TGFA: variants seen among roughly 807,000 people sequenced by gnomAD.
TGFA encodes the protein protransforming growth factor alpha.
In TGFA, 12 loss-of-function variants were observed where a neutral mutation model predicts 21.7. The ratio of observed to expected loss-of-function variants is 0.55; its 90% CI spans 0.35 to 0.90. TGFA has a LOEUF of 0.90. Among genes scored for constraint, TGFA ranks in the 40% least tolerant of loss-of-function variants. TGFA has a pLI of 0.01. For synonymous variants in TGFA, 79 were observed against 88.1 expected (o/e 0.90, Z 0.58); for missense variants, 178 against 210.8 (o/e 0.84, Z 0.96).
intron 2 of TGFA, among the ~76,000 whole-genome samples, chr2:70,471,132 C>A (rs1670736000): frequency 1.4e-5 from 2 of 142,614 alleles, no homozygotes; most frequent in African/African-American, 2.6e-5. Context: ...TATAACCAAA[C>A]TTCTTAAAAA....
At position 70,465,608 on chromosome 2, in the gene TGFA, A is replaced by T; in HGVS notation, c.215+8T>A. On this transcript the variant is annotated splice_region_variant and intron_variant, in intron 3 of 5. Coordinates refer to ENST00000295400, the MANE Select transcript of TGFA (RefSeq NM_003236.4). ...CCCCAGATCTCCAGGAGAACAGGGG[A>T]TACTTACACACATGCTGGCTTGTCC... The T allele has an allele frequency of 6.2e-7, 1 of 1,614,078 alleles. No homozygotes were observed. Among genetic ancestry groups the T allele is most frequent in the East Asian group, 2.2e-5 (1 of 44,876 alleles).
chr2:70,521,617 G>GTT (rs35177436), intron 1 of TGFA, among the ~76,000 whole-genome samples: 20,667 of 86,790 alleles, frequency 0.24, 3,333 homozygotes, highest in Middle Eastern at 0.31. Flanking sequence ...TTGTTTGTTT[G>GTT]TTTTTTTTTT....
At chr2:70,483,514 A>G (rs561589104) in intron 2 of TGFA, among the ~76,000 whole-genome samples, 1 of 152,248 alleles carries the variant, frequency 6.6e-6, no homozygotes, top group East Asian at 1.9e-4. Context: ...TTACTAGGAT[A>G]CTCACTCAAC....
chr2:70,549,654 C>T (rs1387301680), intron 1 of TGFA, among the ~76,000 whole-genome samples: 1 of 152,188 alleles, frequency 6.6e-6, no homozygotes, highest in African/African-American at 2.4e-5. Flanking sequence ...CTCCTCTTCC[C>T]GTTGCCCATC....
intron 1 of TGFA, among the ~76,000 whole-genome samples, chr2:70,521,613 G>GTTTTTTTTTTTTTTTTTTTTTT (rs59567780): frequency 1.1e-4 from 8 of 74,072 alleles, no homozygotes; most frequent in African/African-American, 1.7e-4. Flanking sequence ...GTTGTTGTTT[G>GTTTTTTTTTTTTTTTTTTTTTT]TTTGTTTTTT....
intron 1 of TGFA, among the ~76,000 whole-genome samples, chr2:70,527,262 A>G (rs1441162859): frequency 6.6e-6 from 1 of 152,268 alleles, no homozygotes; most frequent in Non-Finnish European, 1.5e-5. Flanking sequence ...GGGATATTAT[A>G]CAGCAATGAA....
At chr2:70,482,219 C>T (rs189225418) in intron 2 of TGFA, among the ~76,000 whole-genome samples, 7 of 152,078 alleles carry the variant, frequency 4.6e-5, no homozygotes, top group Admixed American at 3.9e-4. Flanking sequence ...GGCCTTTGTG[C>T]TAACAGTTTT....
At chr2:70,460,691 A>G (rs558099569) in intron 3 of TGFA, among the ~76,000 whole-genome samples, 1 of 152,264 alleles carries the variant, frequency 6.6e-6, no homozygotes, top group African/African-American at 2.4e-5. Flanking sequence ...GCTGGTGGGG[A>G]GAGGGCTGGA....
chr2:70,542,325 T>C (rs1553505285), intron 1 of TGFA, among the ~76,000 whole-genome samples: 2 of 152,108 alleles, frequency 1.3e-5, no homozygotes, highest in African/African-American at 4.8e-5. Flanking sequence ...GTACAGTAAT[T>C]ACAAAGAGAA....
chr2:70,478,339 T>C (rs1670999441), intron 2 of TGFA, among the ~76,000 whole-genome samples: 1 of 152,208 alleles, frequency 6.6e-6, no homozygotes, highest in Non-Finnish European at 1.5e-5. Flanking sequence ...GCAAATATAC[T>C]GCATTCTCAA....
intron 1 of TGFA, among the ~76,000 whole-genome samples, chr2:70,551,678 AG>A (rs1673513887): frequency 6.6e-6 from 1 of 151,876 alleles, no homozygotes; most frequent in Admixed American, 6.6e-5. Context: ...AATAAAAAGG[AG>A]TCCTCACTGG....
intron 2 of TGFA, among the ~76,000 whole-genome samples, chr2:70,491,595 T>C (rs149287564): frequency 1.9e-4 from 29 of 152,334 alleles, no homozygotes; most frequent in African/African-American, 6.5e-4. Flanking sequence ...AAGTGTACAA[T>C]GTCAAGTCTC....
intron 2 of TGFA, among the ~76,000 whole-genome samples, chr2:70,471,109 A>T (rs1442987365): frequency 4.7e-5 from 5 of 107,230 alleles, no homozygotes; most frequent in Non-Finnish European, 5.6e-5. Flanking sequence ...TCCTCCCCGC[A>T]CCCCCCCCAC....
At chr2:70,485,831 G>C (rs953039943) in intron 2 of TGFA, among the ~76,000 whole-genome samples, 1 of 152,128 alleles carries the variant, frequency 6.6e-6, no homozygotes, top group African/African-American at 2.4e-5. Flanking sequence ...GTGGCTGGCT[G>C]TGTTGGCCCT....
At chr2:70,529,549 T>C (rs61025727) in intron 1 of TGFA, among the ~76,000 whole-genome samples, 18,956 of 151,018 alleles carry the variant, frequency 0.13, 1,512 homozygotes, top group African/African-American at 0.21. Context: ...TCTGGAAATA[T>C]CTGGAGGAAG....
rs902908695 is a variant in TGFA at position 70,448,942 on chromosome 2, A to C, written c.*1917T>G. 6 of 152,210 alleles carry C rather than the reference A, an allele frequency of 3.9e-5. No homozygotes were observed. The allele number at this position is 152,210 out of a possible 1,614,324, so 9.4% of individuals were successfully genotyped here. On this transcript the variant is annotated 3_prime_UTR_variant, in exon 6 of 6. Transcript: ENST00000295400. ...TCTCTTGGATGCTAACTACTGATTG[A>C]TAGAGGTCTAAAAACCAGTGTCCGT... is the stretch of plus-strand genomic sequence containing the variant.
Position 70,494,292 on chromosome 2 carries a change from C to T in TGFA, c.94+20567G>A, listed in dbSNP as rs537113809. On this transcript the variant is annotated intron_variant, in intron 2 of 5. Coordinates refer to ENST00000295400, the MANE Select transcript of TGFA (RefSeq NM_003236.4). ...GGTCCTTAACCCCACCTGCAAAGTC[C>T]CCTTTGCCATGTAAGGTAGCATAGT... Among the ~76,000 whole-genome samples, 4 of 152,290 alleles carry T rather than the reference C, an allele frequency of 2.6e-5. No individual in the cohort carries two copies. In the South Asian group the frequency reaches 6.2e-4, roughly 24 times the overall value.
At chr2:70,502,517 T>C (rs1023544193) in intron 2 of TGFA, among the ~76,000 whole-genome samples, 1 of 152,132 alleles carries the variant, frequency 6.6e-6, no homozygotes, top group Non-Finnish European at 1.5e-5. Flanking sequence ...GACGGGATTT[T>C]ACCATGTTGG....
At chr2:70,526,868 A>G (rs963116963) in intron 1 of TGFA, among the ~76,000 whole-genome samples, 4 of 152,246 alleles carry the variant, frequency 2.6e-5, no homozygotes, top group Non-Finnish European at 4.4e-5. Flanking sequence ...TGAAGGTGGC[A>G]GCATTTCACC....
Sources: gnomAD v4.1 joint callset for allele counts (sites outside exome capture counted in the v4.1 genomes callset) on GRCh38, gnomAD v4.1.1 for gene constraint, MANE v1.5 for transcripts, NCBI Gene and HGNC (gene_info 2026-07-23, HGNC 2026-07-21) for gene names.